Variants in CEP83 observed in about 807,000 individuals in gnomAD.
The protein encoded by CEP83 is centrosomal protein 83, also known as centrosomal protein of 83 kDa.
In CEP83, 70 loss-of-function variants were observed where a neutral mutation model predicts 101.9. That is an observed-to-expected ratio of 0.69 (90% CI 0.57 to 0.84). The LOEUF is 0.84. CEP83 is among the 40% of genes least tolerant of loss of function. CEP83 has a pLI of 0.00. For missense variants in CEP83, 715 were observed against 787.2 expected (o/e 0.91, Z 1.10); for synonymous variants, 264 against 267.9 (o/e 0.99, Z 0.14).
chr12:94,436,460 C>T (rs77237067), intron 1 of CEP83, among the ~76,000 whole-genome samples: 3,961 of 152,144 alleles, frequency 0.026, 189 homozygotes, highest in African/African-American at 0.091. Context: ...AAAGTTCCAA[C>T]AACAGAACTG....
At chr12:94,284,172 G>A in the CEP83 span, among the ~76,000 whole-genome samples, 1 of 151,912 alleles carries the variant, frequency 6.6e-6, no homozygotes, top group African/African-American at 2.4e-5. Context: ...TTATCCCCAG[G>A]AGCAATTTGG....
At chr12:94,282,476 C>G in the CEP83 span, 13 of 942,540 alleles carry the variant, frequency 1.4e-5, no homozygotes, top group East Asian at 2.4e-4. Context: ...TTTAAAACAT[C>G]CAGGACTCCC....
chr12:94,309,800 T>C (rs1459514491), intron 16 of CEP83, 118 bp downstream of exon 16: 8 of 550,546 alleles, frequency 1.5e-5, no homozygotes, highest in Non-Finnish European at 2.5e-5. Context: ...TATGCCATTT[T>C]TGTGGTGAAT....
rs748800439 is a variant in CEP83 at position 94,309,941 on chromosome 12, G to T, written c.1978C>A (p.Leu660Ile). The T allele has an allele frequency of 1.1e-5, 18 of 1,604,396 alleles. No individual in the cohort carries two copies. The East Asian group carries it at 4.0e-4, about 36-fold the overall frequency. ...ACCTGCATATGAGGAGGAAATGGTA[G>T]TTCCATGCTTGGAACCATGGCTGAT... ...QSSAMVPSME[L>I]PFPPHMQEEQ... The change falls in exon 16 of 17, where the codon CTA becomes ATA. Residue 660 changes from leucine (L) to isoleucine (I), a missense_variant. Leu to Ile is a conservative substitution (Grantham distance 5, BLOSUM62 2). Transcript: ENST00000397809.
At chr12:94,402,896 C>T (rs1028251958) in intron 5 of CEP83, 2 of 182,660 alleles carry the variant, frequency 1.1e-5, no homozygotes, top group Non-Finnish European at 1.1e-5. Flanking sequence ...CAGACTCTGT[C>T]GCAAAAAAAT....
At chr12:94,282,519 G>C in the CEP83 span, 1 of 699,248 alleles carries the variant, frequency 1.4e-6, no homozygotes, top group East Asian at 2.7e-5. Context: ...CAGATCGATC[G>C]TGTCTGGGGC....
chr12:94,312,838 G>T (rs1181214908), intron 15 of CEP83, 76 bp downstream of exon 15: 1 of 1,242,710 alleles, frequency 8.0e-7, no homozygotes, highest in Non-Finnish European at 1.1e-6. Context: ...AGAAAAGAAG[G>T]TACGTTATAC....
intron 11 of CEP83, among the ~76,000 whole-genome samples, chr12:94,357,976 G>A (rs1441986197): frequency 6.6e-6 from 1 of 152,162 alleles, no homozygotes; most frequent in African/African-American, 2.4e-5. Context: ...TCAAATTACT[G>A]ATAAATGTCC....
At chr12:94,329,082 C>A (rs1379766853) in intron 14 of CEP83, among the ~76,000 whole-genome samples, 5 of 152,304 alleles carry the variant, frequency 3.3e-5, no homozygotes, top group Non-Finnish European at 7.3e-5. Context: ...TAATCATTCA[C>A]TGAATTGACC....
rs557922328 is a variant in CEP83, at chr12:94,380,145, T to C, written c.550-1103A>G. 2.2e-4 allele frequency among the ~76,000 whole-genome samples: 33 copies of C among 149,258 alleles called. 1 individual carries two copies. The South Asian group carries it at 6.6e-3, about 30-fold the overall frequency. On this transcript the variant is annotated intron_variant, in intron 6 of 16. Coordinates refer to ENST00000397809, the MANE Select transcript of CEP83 (RefSeq NM_016122.3). ...AATGCTCCAAAACCTTAGGCAAAAG[T>C]GGTCCAAGAAACAACTGTTTGATCA...
At chr12:94,413,825 TACACACACAC>T (rs56372938) in intron 2 of CEP83, among the ~76,000 whole-genome samples, 13,575 of 140,444 alleles carry the variant, frequency 0.097, 710 homozygotes, top group Admixed American at 0.16. Flanking sequence ...CCATAATACA[TACACACACAC>T]ACACACACAC....
the CEP83 span, among the ~76,000 whole-genome samples, chr12:94,291,436 C>A: frequency 6.6e-6 from 1 of 152,140 alleles, no homozygotes; most frequent in Non-Finnish European, 1.5e-5. Context: ...GATCTGAGTT[C>A]TCCGGGCTGG....
the CEP83 span, among the ~76,000 whole-genome samples, chr12:94,285,598 A>C: frequency 6.6e-6 from 1 of 152,174 alleles, no homozygotes; most frequent in South Asian, 2.1e-4. Context: ...GTTTTCTAAA[A>C]GTGTGCATTC....
chr12:94,431,510 C>T (rs1273297802), intron 2 of CEP83, among the ~76,000 whole-genome samples: 1 of 151,814 alleles, frequency 6.6e-6, no homozygotes, highest in Non-Finnish European at 1.5e-5. Flanking sequence ...AGAAAAAACC[C>T]ACTGAATGGG....
intron 5 of CEP83, chr12:94,402,689 C>G (rs948948288): frequency 2.0e-5 from 3 of 152,540 alleles, no homozygotes; most frequent in Non-Finnish European, 4.4e-5. Context: ...CACTTGAGAT[C>G]AGGAGTTCAA....
intron 2 of CEP83, among the ~76,000 whole-genome samples, chr12:94,427,080 A>T (rs2065258412): frequency 1.3e-5 from 2 of 152,374 alleles, no homozygotes; most frequent in African/African-American, 4.8e-5. Flanking sequence ...ATTTACTTAT[A>T]AAAAGGTTTA....
chr12:94,368,810 T>C (rs2061149463), intron 9 of CEP83: 1 of 152,260 alleles, frequency 6.6e-6, no homozygotes, highest in African/African-American at 2.4e-5. Context: ...ATTTACTTCT[T>C]AACTCTATGG....
chr12:94,327,458 A>C (rs1322663953), intron 14 of CEP83, among the ~76,000 whole-genome samples: 1 of 152,146 alleles, frequency 6.6e-6, no homozygotes, highest in African/African-American at 2.4e-5. Context: ...GTTTCTAATT[A>C]TATTTCTCTA....
chr12:94,418,825 C>CAA (rs772486657), intron 2 of CEP83, among the ~76,000 whole-genome samples: 8 of 151,802 alleles, frequency 5.3e-5, no homozygotes, highest in Non-Finnish European at 1.0e-4. Flanking sequence ...AATTTCACCT[C>CAA]AATAAAAAAA....
Sources: gnomAD v4.1 joint callset for allele counts (sites outside exome capture counted in the v4.1 genomes callset) on GRCh38, gnomAD v4.1.1 for gene constraint, MANE v1.5 for transcripts, NCBI Gene and HGNC (gene_info 2026-07-23, HGNC 2026-07-21) for gene names.